Variants in EYS observed in about 807,000 individuals in gnomAD.
The protein encoded by EYS is EGF-like photoreceptor maintenance factor, also known as protein eyes shut homolog.
In EYS, 250 loss-of-function variants were observed where a neutral mutation model predicts 282.1. The observed-to-expected ratio is 0.89, with a 90% confidence interval of 0.80 to 0.98. The LOEUF is 0.98. Among genes scored for constraint, EYS ranks in the 50% least tolerant of loss-of-function variants. EYS has a pLI of 0.00. For synonymous variants in EYS, 1,355 were observed against 1,282.9 expected (o/e 1.06, Z -1.20); for missense variants, 4,016 against 3,709.0 (o/e 1.08, Z -2.15).
At chr6:64,900,225 T>C (rs1767612676) in intron 18 of EYS, among the ~76,000 whole-genome samples, 1 of 152,132 alleles carries the variant, frequency 6.6e-6, no homozygotes, top group Non-Finnish European at 1.5e-5. Flanking sequence ...TATACAAAAA[T>C]TAACTCAAGA....
At chr6:65,515,045 A>G (rs1407089928) in intron 2 of EYS, among the ~76,000 whole-genome samples, 2 of 152,206 alleles carry the variant, frequency 1.3e-5, no homozygotes, top group African/African-American at 4.8e-5. Flanking sequence ...TACTTATCTG[A>G]CAAAGGGCTA....
At chr6:64,419,523 T>C (rs937997577) in intron 28 of EYS, among the ~76,000 whole-genome samples, 1 of 152,222 alleles carries the variant, frequency 6.6e-6, no homozygotes, top group Admixed American at 6.5e-5. Flanking sequence ...AAGTTGCTTC[T>C]GCCTATGAGC....
chr6:64,789,430 G>T (rs75502980), intron 22 of EYS, among the ~76,000 whole-genome samples: 3,173 of 152,096 alleles, frequency 0.021, 109 homozygotes, highest in African/African-American at 0.072. Flanking sequence ...ATGCTAACAT[G>T]CTCCATCAAT....
chr6:63,730,241 C>T (rs993841951), intron 41 of EYS, among the ~76,000 whole-genome samples: 1 of 152,158 alleles, frequency 6.6e-6, no homozygotes, highest in African/African-American at 2.4e-5. Flanking sequence ...AAGTTGATGC[C>T]ACTATCAACT....
intron 33 of EYS, among the ~76,000 whole-genome samples, chr6:64,024,270 T>C (rs1769362081): frequency 6.6e-6 from 1 of 152,190 alleles, no homozygotes; most frequent in African/African-American, 2.4e-5. Flanking sequence ...CAGCACCCTG[T>C]GTCTAGCTCA....
At chr6:64,801,382 G>GA (rs1409775472) in intron 22 of EYS, among the ~76,000 whole-genome samples, 1 of 151,996 alleles carries the variant, frequency 6.6e-6, no homozygotes, top group Non-Finnish European at 1.5e-5. Context: ...TATATACACA[G>GA]AAAAACTGTA....
chr6:63,927,250 A>G (rs1050928654), intron 35 of EYS, among the ~76,000 whole-genome samples: 16 of 152,222 alleles, frequency 1.1e-4, no homozygotes, highest in Admixed American at 9.2e-4. Flanking sequence ...CTCTAGCTCA[A>G]TGTTACTAAT....
At chr6:65,099,256 G>A (rs751203525) in intron 12 of EYS, among the ~76,000 whole-genome samples, 7 of 150,536 alleles carry the variant, frequency 4.7e-5, no homozygotes, top group Non-Finnish European at 1.0e-4. Context: ...TAGATCAAAT[G>A]CCTACGAAAA....
intron 12 of EYS, among the ~76,000 whole-genome samples, chr6:65,058,374 A>G (rs1157789653): frequency 1.3e-5 from 2 of 151,932 alleles, no homozygotes; most frequent in Non-Finnish European, 2.9e-5. Context: ...TGTTCTCGAA[A>G]TCCTGACTTC....
In EYS at chr6:65,357,693, A is replaced by G. The variant is rs114495358; in HGVS notation, c.1300-4076T>C. 6.8e-3 allele frequency among the ~76,000 whole-genome samples: 1,041 copies of G among 152,100 alleles called. 14 individuals are homozygous for G. Among genetic ancestry groups the G allele is most frequent in the African/African-American group, 0.021 (872 of 41,562 alleles). ...TTTATTATATAGACCAGGAGTCTGC[A>G]AAGTATTCTCTTAAGTACTATGTTT... On this transcript the variant is annotated intron_variant, in intron 8 of 42. Coordinates refer to ENST00000503581, the MANE Select transcript of EYS (RefSeq NM_001142800.2).
intron 2 of EYS, among the ~76,000 whole-genome samples, chr6:65,510,286 G>A (rs1197422644): frequency 1.3e-5 from 2 of 149,810 alleles, no homozygotes; most frequent in Non-Finnish European, 1.5e-5. Context: ...TTGTTCTTGC[G>A]ATAGTTTACT....
intron 10 of EYS, among the ~76,000 whole-genome samples, chr6:65,339,554 GA>G (rs71553513): frequency 0.14 from 20,755 of 150,948 alleles, 1,457 homozygotes; most frequent in South Asian, 0.17. Flanking sequence ...TGTATGTATA[GA>G]AAAAAATACA....
At chr6:64,138,436 A>G (rs1774234017) in intron 31 of EYS, among the ~76,000 whole-genome samples, 1 of 152,162 alleles carries the variant, frequency 6.6e-6, no homozygotes, top group African/African-American at 2.4e-5. Flanking sequence ...TCACACAAAG[A>G]TAGGGCATTC....
At chr6:64,936,380 C>A (rs1768906823) in intron 15 of EYS, among the ~76,000 whole-genome samples, 1 of 151,332 alleles carries the variant, frequency 6.6e-6, no homozygotes, top group African/African-American at 2.4e-5. Context: ...CTTTTAAGCT[C>A]AGGAACAAGA....
At chr6:64,791,309 G>GCA (rs150178061) in intron 22 of EYS, among the ~76,000 whole-genome samples, 2 of 151,054 alleles carry the variant, frequency 1.3e-5, no homozygotes, top group African/African-American at 4.8e-5. Flanking sequence ...ATTAATGCAT[G>GCA]CACACACACA....
At chr6:65,232,603 T>G (rs1226893042) in intron 12 of EYS, among the ~76,000 whole-genome samples, 1 of 152,132 alleles carries the variant, frequency 6.6e-6, no homozygotes, top group Non-Finnish European at 1.5e-5. Context: ...TCTCCTCTTA[T>G]TAACAGCTTA....
intron 2 of EYS, among the ~76,000 whole-genome samples, chr6:65,506,606 T>C (rs1480791725): frequency 6.6e-6 from 1 of 150,748 alleles, no homozygotes; most frequent in African/African-American, 2.4e-5. Flanking sequence ...GCCTCCTGAG[T>C]AGCTGGGTCT....
chr6:64,804,441 C>T (rs965520441), intron 22 of EYS, among the ~76,000 whole-genome samples: 6 of 152,068 alleles, frequency 3.9e-5, no homozygotes, highest in Admixed American at 3.3e-4. Context: ...TATCTTGCCA[C>T]AGAAAACCAC....
intron 29 of EYS, among the ~76,000 whole-genome samples, chr6:64,316,180 C>T (rs1328077587): frequency 6.6e-6 from 1 of 152,148 alleles, no homozygotes; most frequent in Non-Finnish European, 1.5e-5. Flanking sequence ...CCCTCTCTCA[C>T]CACACCTATT....
Sources: allele counts gnomAD v4.1 joint callset (sites outside exome capture counted in the v4.1 genomes callset), GRCh38; gene constraint gnomAD v4.1.1; transcripts MANE v1.5; gene names NCBI Gene and HGNC (gene_info 2026-07-23, HGNC 2026-07-21).